The following KLHL3 variants were observed in gnomAD, a reference collection of about 807,000 sequenced individuals.
KLHL3 encodes the protein kelch-like protein 3.
KLHL3 carries 19 observed loss-of-function variants against 70.5 expected under a neutral mutation model. The ratio of observed to expected loss-of-function variants is 0.27; its 90% CI spans 0.19 to 0.40. KLHL3 has a LOEUF of 0.40. Among genes scored for constraint, KLHL3 ranks in the 10% least tolerant of loss-of-function variants. KLHL3 has a pLI of 1.00. For synonymous variants in KLHL3, 258 were observed against 290.3 expected (o/e 0.89, Z 1.13); for missense variants, 512 against 771.1 (o/e 0.66, Z 3.98).
chr5:137,654,797 T>C (rs1021192579), intron 8 of KLHL3, among the ~76,000 whole-genome samples: 5 of 152,142 alleles, frequency 3.3e-5, no homozygotes, highest in African/African-American at 1.2e-4. Context: ...TAAATGTTTC[T>C]TAAGGAGTAG....
chr5:137,653,894 A>G (rs944361217), intron 8 of KLHL3, among the ~76,000 whole-genome samples: 1 of 152,232 alleles, frequency 6.6e-6, no homozygotes, highest in African/African-American at 2.4e-5. Context: ...CATCCATACA[A>G]TGGAATGTTA....
At chr5:137,631,990 C>T (rs146305253) in intron 12 of KLHL3, among the ~76,000 whole-genome samples, 1 of 152,282 alleles carries the variant, frequency 6.6e-6, no homozygotes, top group Non-Finnish European at 1.5e-5. Flanking sequence ...CCACTCATGA[C>T]TGATTAAAGA....
At chr5:137,630,514 C>T (rs906615504) in intron 12 of KLHL3, among the ~76,000 whole-genome samples, 1 of 152,174 alleles carries the variant, frequency 6.6e-6, no homozygotes, top group Non-Finnish European at 1.5e-5. Context: ...AGCAGTCACA[C>T]ATCTCAGGGT....
At chr5:137,625,669 C>A in intron 14 of KLHL3, 84 bp downstream of exon 14, 1 of 1,529,418 alleles carries the variant, frequency 6.5e-7, no homozygotes, top group South Asian at 1.2e-5. Context: ...GCTCACATCC[C>A]CTCATCCCAC....
intron 8 of KLHL3, among the ~76,000 whole-genome samples, chr5:137,655,784 G>A (rs1462981158): frequency 2.6e-5 from 4 of 151,842 alleles, no homozygotes; most frequent in South Asian, 2.1e-4. Context: ...AGGAGTTCGA[G>A]ACCAGCCTAG....
chr5:137,699,542 A>G (rs942551575), intron 3 of KLHL3, among the ~76,000 whole-genome samples: 14 of 152,164 alleles, frequency 9.2e-5, no homozygotes, highest in Admixed American at 5.2e-4. Context: ...GGCCCTGATA[A>G]TAATCCAAAA....
intron 5 of KLHL3, among the ~76,000 whole-genome samples, chr5:137,682,610 G>T (rs185545910): frequency 1.4e-3 from 220 of 152,280 alleles, no homozygotes; most frequent in Middle Eastern, 0.01. Flanking sequence ...GCTAGAGGAA[G>T]TGATAGTCTT....
At position 137,657,138 on chromosome 5, in the gene KLHL3, C is replaced by T. The variant is rs186218376; in HGVS notation, c.903+993G>A. ...AGGTCCTGCAAACCTCAGAGAATTC[C>T]AACACCTGGTCTTGGAAAACAACAT... On this transcript the variant is annotated intron_variant, in intron 8 of 14. Coordinates refer to ENST00000309755, the MANE Select transcript of KLHL3 (RefSeq NM_017415.3). Among the ~76,000 whole-genome samples, 47 of 152,284 alleles carry T rather than the reference C, an allele frequency of 3.1e-4. 2 individuals are homozygous for T. In the East Asian group the frequency reaches 8.7e-3, roughly 28 times the overall value.
intron 5 of KLHL3, among the ~76,000 whole-genome samples, chr5:137,688,674 C>G (rs1350797455): frequency 6.6e-6 from 1 of 152,228 alleles, no homozygotes; most frequent in East Asian, 1.9e-4. Flanking sequence ...CTGGAGTCAG[C>G]ACCGTCTGGG....
Position 137,647,556 on chromosome 5 carries a change from G to A in KLHL3, c.904-7579C>T, listed in dbSNP as rs115189656. 8.1e-3 allele frequency: 3,830 copies of A among 472,250 alleles called. 32 individuals are homozygous for A. The highest frequency in any genetic ancestry group is 0.012 in the Non-Finnish European group (2,685 of 227,060). 29.3% of individuals were successfully genotyped at this position (472,250 alleles called of 1,614,324 possible). ...CCAAACTCTCTTCTGTGACCGGTGA[G>A]CTGGGCAGAAGGCAGGCCCAGCCAG... is the stretch of plus-strand genomic sequence containing the variant. On this transcript the variant is annotated intron_variant, in intron 8 of 14. Transcript: ENST00000309755.
intron 1 of KLHL3, among the ~76,000 whole-genome samples, chr5:137,730,677 T>C (rs1753159281): frequency 6.6e-6 from 1 of 152,168 alleles, no homozygotes; most frequent in African/African-American, 2.4e-5. Flanking sequence ...CACAGACAGA[T>C]AGAATTAGAC....
At chr5:137,678,628 C>T (rs768039956) in intron 5 of KLHL3, among the ~76,000 whole-genome samples, 4 of 152,162 alleles carry the variant, frequency 2.6e-5, no homozygotes, top group Non-Finnish European at 4.4e-5. Context: ...ACTTCATCAA[C>T]TTCATAAAAA....
intron 1 of KLHL3, among the ~76,000 whole-genome samples, chr5:137,729,736 T>G (rs1753142087): frequency 6.6e-6 from 1 of 152,110 alleles, no homozygotes; most frequent in South Asian, 2.1e-4. Context: ...GGCACTCTGG[T>G]CAAACTGCAG....
chr5:137,689,843 T>C (rs1350601235), intron 5 of KLHL3, among the ~76,000 whole-genome samples: 1 of 152,210 alleles, frequency 6.6e-6, no homozygotes, highest in Non-Finnish European at 1.5e-5. Flanking sequence ...AAGGTGGGGA[T>C]TCAGTATACT....
intron 2 of KLHL3, among the ~76,000 whole-genome samples, chr5:137,716,947 T>A (rs938414087): frequency 6.6e-6 from 1 of 152,184 alleles, no homozygotes; most frequent in Non-Finnish European, 1.5e-5. Flanking sequence ...ATTTTCAAAG[T>A]TAATCAAGGG....
intron 6 of KLHL3, among the ~76,000 whole-genome samples, chr5:137,673,222 G>C (rs1751805645): frequency 6.6e-6 from 1 of 152,176 alleles, no homozygotes; most frequent in African/African-American, 2.4e-5. Flanking sequence ...TCACCAGCAG[G>C]AGGGTGTTAA....
At chr5:137,652,641 G>A (rs1243524228) in intron 8 of KLHL3, among the ~76,000 whole-genome samples, 1 of 152,154 alleles carries the variant, frequency 6.6e-6, no homozygotes, top group Non-Finnish European at 1.5e-5. Flanking sequence ...AGAATAGAAT[G>A]GTGGTTACCA....
chr5:137,682,400 A>AC (rs1322800660), intron 5 of KLHL3, among the ~76,000 whole-genome samples: 8 of 82,456 alleles, frequency 9.7e-5, no homozygotes, highest in African/African-American at 3.7e-4. Context: ...GGGGTGCTGG[A>AC]CATAGAGAGA....
At position 137,620,499 on chromosome 5, in the gene KLHL3, G is replaced by A. The variant is rs1466152007; in HGVS notation, c.*1599C>T. ...TAAAGTTCCTTGGCTTCCTGTAGGT[G>A]GATTCTCAAAGTAGGGAGGGTGTCC... is the stretch of plus-strand genomic sequence containing the variant. On this transcript the variant is annotated 3_prime_UTR_variant, in exon 15 of 15. Coordinates refer to ENST00000309755, the MANE Select transcript of KLHL3 (RefSeq NM_017415.3). 2 of 152,134 alleles carry A rather than the reference G, an allele frequency of 1.3e-5. No homozygotes were observed. The highest frequency in any genetic ancestry group is 2.9e-5 in the Non-Finnish European group (2 of 68,046). 9.4% of individuals were successfully genotyped at this position (152,134 alleles called of 1,614,324 possible). A position where few individuals can be genotyped will look rare whatever the true frequency, so the allele number is the denominator to read the frequency against.
Sources: allele counts gnomAD v4.1 joint callset (sites outside exome capture counted in the v4.1 genomes callset), GRCh38; gene constraint gnomAD v4.1.1; transcripts MANE v1.5; gene names NCBI Gene and HGNC (gene_info 2026-07-23, HGNC 2026-07-21).